ARHGAP20: variants seen among roughly 807,000 people sequenced by gnomAD.
ARHGAP20 encodes rho GTPase-activating protein 20.
In ARHGAP20, 34 loss-of-function variants were observed where a neutral mutation model predicts 73.7. That is an observed-to-expected ratio of 0.46 (90% CI 0.35 to 0.61). The LOEUF (loss-of-function observed/expected upper bound fraction) is 0.61. Ranked by LOEUF, ARHGAP20 falls within the 20% of genes least tolerant of loss-of-function variation. The pLI, the probability that ARHGAP20 is intolerant of heterozygous loss-of-function variation, is 0.00. For missense variants in ARHGAP20, 1,314 were observed against 1,420.9 expected, an observed-to-expected ratio of 0.92 and a Z score of 1.21; for synonymous variants, 523 against 518.2, an observed-to-expected ratio of 1.01 and a Z score of -0.13.
intron 1 of ARHGAP20, chr11:110,711,830 G>T: frequency 7.6e-7 from 1 of 1,312,118 alleles, no homozygotes; most frequent in South Asian, 2.2e-5. Context: ...TAGACTGAGG[G>T]AGGAGCCGGG....
chr11:110,620,032 A>AT (rs1948595672), intron 4 of ARHGAP20, among the ~76,000 whole-genome samples: 1 of 151,920 alleles, frequency 6.6e-6, no homozygotes, highest in Admixed American at 6.6e-5. Context: ...TTTTATTTTT[A>AT]TTTTTTTGAG....
chr11:110,595,976 T>C (rs12280889), intron 9 of ARHGAP20, among the ~76,000 whole-genome samples: 52,589 of 151,082 alleles, frequency 0.35, 12,221 homozygotes, highest in African/African-American at 0.67. Flanking sequence ...ACAGAGCACT[T>C]AGAAATAATG....
At chr11:110,665,665 G>A (rs1949709899) in intron 2 of ARHGAP20, among the ~76,000 whole-genome samples, 1 of 152,186 alleles carries the variant, frequency 6.6e-6, no homozygotes, top group Non-Finnish European at 1.5e-5. Context: ...TGAGAAAAGA[G>A]CTGTCCAGAG....
intron 9 of ARHGAP20, among the ~76,000 whole-genome samples, chr11:110,605,915 A>G (rs190598757): frequency 4.5e-4 from 69 of 152,342 alleles, no homozygotes; most frequent in Non-Finnish European, 7.1e-4. Context: ...ATACTTTTTG[A>G]TATCAATTTT....
chr11:110,616,695 T>TC (rs1284918502), intron 4 of ARHGAP20, among the ~76,000 whole-genome samples: 1 of 151,828 alleles, frequency 6.6e-6, no homozygotes, highest in Non-Finnish European at 1.5e-5. Flanking sequence ...TCTTTTTTTT[T>TC]TTTTTTACCA....
intron 2 of ARHGAP20, among the ~76,000 whole-genome samples, chr11:110,651,754 A>T (rs1251241370): frequency 6.6e-6 from 1 of 151,904 alleles, no homozygotes; most frequent in Non-Finnish European, 1.5e-5. Context: ...AACCAAAAAA[A>T]AAAAAAATAA....
Position 110,577,708 on chromosome 11 carries a change from C to CGAA in ARHGAP20, c.*1659_*1661dup. 1.0e-6 allele frequency: 1 copy of CGAA among 985,844 alleles called. No homozygotes were observed. The allele number at this position is 985,844 out of a possible 1,614,324, so 61.1% of individuals were successfully genotyped here. A position where few individuals can be genotyped will look rare whatever the true frequency, so the allele number is the denominator to read the frequency against. On this transcript the variant is annotated 3_prime_UTR_variant, in exon 15 of 15. Transcript: ENST00000683387. ...TCTGTGACTCAGATGGCCAGTGTCA[C>CGAA]GAAGTAGCTCTTTGGATACAGAGTT...
chr11:110,651,756 A>G (rs1298813403), intron 2 of ARHGAP20, among the ~76,000 whole-genome samples: 1 of 151,612 alleles, frequency 6.6e-6, no homozygotes, highest in Non-Finnish European at 1.5e-5. Context: ...CCAAAAAAAA[A>G]AAAAATAAAA....
At chr11:110,599,066 C>G (rs1948045853) in intron 9 of ARHGAP20, among the ~76,000 whole-genome samples, 1 of 152,198 alleles carries the variant, frequency 6.6e-6, no homozygotes. Context: ...CCTGCCCTCC[C>G]AGGTGTAGCT....
At position 110,592,044 on chromosome 11, in the gene ARHGAP20, G is replaced by C. The variant is rs1258805296; in HGVS notation, c.1076C>G (p.Pro359Arg). ...CAGAGAAATTCCAAAGAGCTGTCCTGGCATAGGTGATGTTGGCGATGAGGG... is the reference window on the plus strand; with the variant it reads ...CAGAGAAATTCCAAAGAGCTGTCCTCGCATAGGTGATGTTGGCGATGAGGG... ...NLPSSPTSPM[P>R]GQLFGISLPN... Residue 359 changes from proline to arginine, a missense_variant, in exon 10 of 15, where the codon CCA becomes CGA. Physicochemically the swap from Pro to Arg is moderately radical, Grantham distance 103 (BLOSUM62 -2). Transcript: ENST00000683387. The C allele has an allele frequency of 6.2e-7, 1 of 1,614,012 alleles. No homozygotes were observed. The highest frequency in any genetic ancestry group is 1.3e-5 in the African/African-American group (1 of 74,910).
At chr11:110,595,541 C>A (rs1947935830) in intron 9 of ARHGAP20, among the ~76,000 whole-genome samples, 1 of 152,188 alleles carries the variant, frequency 6.6e-6, no homozygotes, top group Admixed American at 6.5e-5. Context: ...CTCCCATTCA[C>A]AATTGCTTCA....
intron 4 of ARHGAP20, among the ~76,000 whole-genome samples, chr11:110,615,918 T>G (rs1039942483): frequency 6.6e-6 from 1 of 152,210 alleles, no homozygotes; most frequent in Non-Finnish European, 1.5e-5. Flanking sequence ...GTACTTGATT[T>G]GGAATCTAAC....
chr11:110,632,849 G>A (rs1948887373), intron 2 of ARHGAP20, among the ~76,000 whole-genome samples: 1 of 152,170 alleles, frequency 6.6e-6, no homozygotes, highest in African/African-American at 2.4e-5. Flanking sequence ...CGCATATTGA[G>A]TTGTAGGAAC....
intron 2 of ARHGAP20, among the ~76,000 whole-genome samples, chr11:110,643,248 T>C (rs1046710637): frequency 6.6e-6 from 1 of 152,090 alleles, no homozygotes; most frequent in African/African-American, 2.4e-5. Flanking sequence ...GTCTTTTGTA[T>C]AGATTTTTAT....
At chr11:110,635,312 C>T (rs1337132192) in intron 2 of ARHGAP20, among the ~76,000 whole-genome samples, 1 of 152,098 alleles carries the variant, frequency 6.6e-6, no homozygotes, top group Non-Finnish European at 1.5e-5. Context: ...TCGGGCCTTC[C>T]TCAGGTTTAT....
chr11:110,583,438 G>A, intron 13 of ARHGAP20, 110 bp downstream of exon 13: 1 of 999,830 alleles, frequency 1.0e-6, no homozygotes, highest in Non-Finnish European at 1.4e-6. Flanking sequence ...AATTTATAAG[G>A]ATACGGTATA....
chr11:110,648,219 ATG>A (rs1208123288), intron 2 of ARHGAP20, among the ~76,000 whole-genome samples: 78 of 49,946 alleles, frequency 1.6e-3, no homozygotes, highest in Non-Finnish European at 2.2e-3. Context: ...AAATATATAT[ATG>A]TATATATATA....
chr11:110,671,882 T>C (rs563875287), intron 2 of ARHGAP20, among the ~76,000 whole-genome samples: 1 of 152,278 alleles, frequency 6.6e-6, no homozygotes, highest in Non-Finnish European at 1.5e-5. Flanking sequence ...AGTGAAAACG[T>C]ATGTACTTTT....
rs1948061785 is a variant in ARHGAP20 at position 110,599,680 on chromosome 11, G to A, written c.964+6881C>T. Among the ~76,000 whole-genome samples, 4 of 152,174 alleles carry A rather than the reference G, an allele frequency of 2.6e-5. No individual in the cohort carries two copies. In the South Asian group the frequency reaches 8.3e-4, roughly 32 times the overall value. On this transcript the variant is annotated intron_variant, in intron 9 of 14. Transcript: ENST00000683387. ...CCCATGGCTGCCCATGGACAAATAA[G>A]CCAGCTCTTCCTCCCCTCTGAAGTC...
Sources: allele counts gnomAD v4.1 joint callset (sites outside exome capture counted in the v4.1 genomes callset), GRCh38; gene constraint gnomAD v4.1.1; transcripts MANE v1.5; gene names NCBI Gene and HGNC (gene_info 2026-07-23, HGNC 2026-07-21).